Variants in MAPK10 observed in about 807,000 individuals in gnomAD.
MAPK10 encodes the protein JNK3 alpha protein kinase.
MAPK10 carries 25 observed loss-of-function variants against 59.3 expected under a neutral mutation model. The ratio of observed to expected loss-of-function variants is 0.42; its 90% CI spans 0.31 to 0.59. The LOEUF (loss-of-function observed/expected upper bound fraction) is 0.59, where lower values mean the gene tolerates loss of function less well. Ranked by LOEUF, MAPK10 falls within the 20% of genes least tolerant of loss-of-function variation. MAPK10 has a pLI of 0.15. For missense variants in MAPK10, 351 were observed against 568.9 expected (o/e 0.62, Z 3.90); for synonymous variants, 190 against 200.5 (o/e 0.95, Z 0.44).
At chr4:86,509,038 C>CT (rs1012549241) in intron 1 of MAPK10, among the ~76,000 whole-genome samples, 8 of 151,298 alleles carry the variant, frequency 5.3e-5, no homozygotes, top group South Asian at 2.1e-4. Flanking sequence ...TTTTAGTTAT[C>CT]TTTTTTTTTC....
intron 1 of MAPK10, among the ~76,000 whole-genome samples, chr4:86,509,781 G>T (rs962801736): frequency 6.6e-6 from 1 of 152,172 alleles, no homozygotes; most frequent in Non-Finnish European, 1.5e-5. Flanking sequence ...CACCTGAACA[G>T]GTCCCATTTT....
intron 3 of MAPK10, among the ~76,000 whole-genome samples, chr4:86,184,993 G>C (rs1327364109): frequency 6.6e-6 from 1 of 152,122 alleles, no homozygotes; most frequent in African/African-American, 2.4e-5. Flanking sequence ...TCAACAACTG[G>C]CTGGGGAGGA....
chr4:86,287,937 C>T (rs984461232), intron 2 of MAPK10, among the ~76,000 whole-genome samples: 9 of 152,052 alleles, frequency 5.9e-5, no homozygotes, highest in African/African-American at 2.2e-4. Flanking sequence ...TAAGACGTTA[C>T]CTAGATACAG....
intron 2 of MAPK10, among the ~76,000 whole-genome samples, chr4:86,218,174 T>C (rs993839095): frequency 3.9e-5 from 6 of 152,128 alleles, no homozygotes; most frequent in African/African-American, 1.4e-4. Context: ...TCCCATTAGA[T>C]TAAAATATTG....
intron 2 of MAPK10, among the ~76,000 whole-genome samples, chr4:86,261,103 C>T (rs1316942562): frequency 3.9e-5 from 6 of 152,136 alleles, no homozygotes; most frequent in East Asian, 1.9e-4. Context: ...ACAGAAAATA[C>T]AGCATCTTTG....
intron 2 of MAPK10, among the ~76,000 whole-genome samples, chr4:86,299,690 A>C (rs1056205807): frequency 1.3e-5 from 2 of 152,180 alleles, no homozygotes; most frequent in African/African-American, 2.4e-5. Flanking sequence ...ATGAATCAAG[A>C]CTAGTCACCT....
chr4:86,057,858 G>C (rs2044924925), intron 11 of MAPK10, among the ~76,000 whole-genome samples: 1 of 149,900 alleles, frequency 6.7e-6, no homozygotes, highest in Non-Finnish European at 1.5e-5. Flanking sequence ...TAGTGAAAGA[G>C]GTCTTTCCTA....
intron 9 of MAPK10, among the ~76,000 whole-genome samples, chr4:86,074,686 GA>G (rs2048851473): frequency 6.9e-6 from 1 of 144,902 alleles, no homozygotes; most frequent in Non-Finnish European, 1.5e-5. Flanking sequence ...ATTCTGGGTT[GA>G]AAATTCTTTT....
intron 1 of MAPK10, among the ~76,000 whole-genome samples, chr4:86,544,011 C>A (rs1463241008): frequency 6.6e-6 from 1 of 152,064 alleles, no homozygotes; most frequent in Non-Finnish European, 1.5e-5. Flanking sequence ...TGAAGAAAAG[C>A]AAAGAAGGAG....
chr4:86,193,752 AG>A (rs913012942), intron 3 of MAPK10: 20 of 157,108 alleles, frequency 1.3e-4, no homozygotes, highest in African/African-American at 3.9e-4. Flanking sequence ...CCCCCTTTCC[AG>A]GGGGGGTGAA....
intron 1 of MAPK10, among the ~76,000 whole-genome samples, chr4:86,490,971 C>T (rs181167003): frequency 3.3e-4 from 51 of 152,332 alleles, no homozygotes; most frequent in African/African-American, 1.2e-3. Context: ...TACAGAGTCG[C>T]TGACTTTAAA....
intron 3 of MAPK10, 98 bp from the exon 4 acceptor site, chr4:86,159,565 T>C: frequency 1.1e-6 from 1 of 942,966 alleles, no homozygotes; most frequent in South Asian, 1.8e-5. Flanking sequence ...TACTGACACT[T>C]AGCCATCTAT....
chr4:86,017,298 T>A lies in MAPK10; in HGVS notation c.1325A>T (p.Asp442Val). Residue 442 changes from aspartate to valine, a missense_variant, in exon 14 of 14, where the codon GAC becomes GTC. Physicochemically the swap from Asp to Val is radical, Grantham distance 152 (BLOSUM62 -3). Transcript: ENST00000641462. This position sits in a 1 kb window ranked among gnomAD's most constrained non-coding sequence, Gnocchi z 4.4. ...SVNDISSMST[D>V]QTLASDTDSS... ...GTCAGTGTCAGATGCCAGGGTCTGGTCGGTGGACATGGAGGAGATGTCATT... is the reference window on the plus strand; with the variant it reads ...GTCAGTGTCAGATGCCAGGGTCTGGACGGTGGACATGGAGGAGATGTCATT... 6.2e-7 allele frequency: 1 copy of A among 1,614,080 alleles called. No individual in the cohort carries two copies. Among genetic ancestry groups the A allele is most frequent in the Non-Finnish European group, 8.5e-7 (1 of 1,180,002 alleles).
rs1185035106 is a variant in MAPK10 at position 86,055,278 on chromosome 4, TC to T, written c.1110+8987del. Among the ~76,000 whole-genome samples, 4 of 150,888 alleles carry T rather than the reference TC, an allele frequency of 2.7e-5. 2 individuals carry two copies. Among genetic ancestry groups the T allele is most frequent in the African/African-American group, 9.9e-5 (4 of 40,588 alleles). ...TTATTCACATTGTTAATTATTCTTT[TC>T]CTCATTCTAGGATACAGTAGTTTGT... On this transcript the variant is annotated intron_variant, in intron 11 of 13. Transcript: ENST00000641462.
intron 1 of MAPK10, among the ~76,000 whole-genome samples, chr4:86,359,082 T>G (rs1735927049): frequency 6.6e-6 from 1 of 152,146 alleles, no homozygotes; most frequent in Non-Finnish European, 1.5e-5. Context: ...AATATATATA[T>G]AAATACTGTT....
intron 2 of MAPK10, among the ~76,000 whole-genome samples, chr4:86,245,735 A>G (rs1411045791): frequency 6.6e-6 from 1 of 152,178 alleles, no homozygotes; most frequent in Non-Finnish European, 1.5e-5. Context: ...CCAGTAAAAA[A>G]ATATTTGATT....
intron 2 of MAPK10, among the ~76,000 whole-genome samples, chr4:86,317,537 C>A (rs1324066899): frequency 1.3e-5 from 2 of 152,126 alleles, no homozygotes; most frequent in Non-Finnish European, 2.9e-5. Flanking sequence ...TATTTATATA[C>A]CCAAATCTAC....
At chr4:86,433,555 C>CTTCTTTTTTT (rs1424833074) in intron 1 of MAPK10, among the ~76,000 whole-genome samples, 2 of 97,600 alleles carry the variant, frequency 2.0e-5, no homozygotes, top group African/African-American at 8.0e-5. Context: ...GGGCCTTCTT[C>CTTCTTTTTTT]TTTTTTTTTT....
chr4:86,120,511 G>A (rs1403614049), intron 4 of MAPK10: 1 of 152,180 alleles, frequency 6.6e-6, no homozygotes, highest in African/African-American at 2.4e-5. Flanking sequence ...GGCTGCTCTA[G>A]ACACGAGGCA....
Sources: gnomAD v4.1 joint callset for allele counts (sites outside exome capture counted in the v4.1 genomes callset) on GRCh38, gnomAD v4.1.1 for gene constraint, Gnocchi (gnomAD v3.1) non-coding constraint, MANE v1.5 for transcripts, NCBI Gene and HGNC (gene_info 2026-07-23, HGNC 2026-07-21) for gene names.